The following MARK3 variants were observed in gnomAD, a reference collection of about 807,000 sequenced individuals.
MARK3 encodes MAP/microtubule affinity-regulating kinase 3.
A neutral mutation model predicts 90.1 loss-of-function variants in MARK3; 46 were observed. That is an observed-to-expected ratio of 0.51 (90% CI 0.40 to 0.65). The LOEUF is 0.65. MARK3 is among the 30% of genes least tolerant of loss of function. The pLI is 0.00. For synonymous variants in MARK3, 321 were observed against 332.6 expected (o/e 0.97, Z 0.38); for missense variants, 818 against 947.2 (o/e 0.86, Z 1.79).
In MARK3 at chr14:103,498,722, T is replaced by C. The variant is rs1566947122; in HGVS notation, c.1871+194T>C. 2.6e-5 allele frequency: 10 copies of C among 389,126 alleles called. No individual in the cohort carries two copies. The South Asian group carries it at 6.9e-4, about 27-fold the overall frequency. 24.1% of individuals were successfully genotyped at this position (389,126 alleles called of 1,614,324 possible). A position where few individuals can be genotyped will look rare whatever the true frequency, so the allele number is the denominator to read the frequency against. On this transcript the variant is annotated intron_variant, in intron 16 of 17. Transcript: ENST00000429436. ...TCTGTCAGGCATTTTAAAGGGACTA[T>C]GGTACCCATGCAACAAAAGGCTGAT...
intron 17 of MARK3, 64 bp from the exon 18 acceptor site, chr14:103,502,818 G>A: frequency 7.6e-7 from 1 of 1,314,572 alleles, no homozygotes; most frequent in Non-Finnish European, 1.1e-6. Flanking sequence ...TGAGGAACTA[G>A]CTGAAGTGTA....
At chr14:103,463,723 C>T (rs189124302) in intron 7 of MARK3, among the ~76,000 whole-genome samples, 45 of 152,286 alleles carry the variant, frequency 3.0e-4, no homozygotes, top group African/African-American at 1.0e-3. Context: ...CTCTTCCTCC[C>T]ATGTATGTTT....
chr14:103,470,365 G>A (rs931580754), intron 12 of MARK3, among the ~76,000 whole-genome samples: 2 of 151,862 alleles, frequency 1.3e-5, no homozygotes, highest in African/African-American at 4.8e-5. Flanking sequence ...CCTGAGGCTA[G>A]CGTGTGTGTT....
intron 2 of MARK3, among the ~76,000 whole-genome samples, chr14:103,419,311 A>G (rs1348393169): frequency 6.6e-6 from 1 of 152,118 alleles, no homozygotes; most frequent in Non-Finnish European, 1.5e-5. Context: ...AAATAAATAG[A>G]AAATTGAGAA....
In MARK3 at chr14:103,420,240, T is replaced by C. The variant is rs548302985; in HGVS notation, c.244-8147T>C. ...TTCCACAGTTTTGAACATTTTTTTT[T>C]CTTTTTGAGACAGAGTCTTGCTCTG... On this transcript the variant is annotated intron_variant, in intron 2 of 17. Coordinates refer to ENST00000429436, the MANE Select transcript of MARK3 (RefSeq NM_001128918.3). Among the ~76,000 whole-genome samples the C allele has an allele frequency of 3.9e-5, 6 of 152,278 alleles. No individual in the cohort carries two copies. The South Asian group carries it at 1.0e-3, about 26-fold the overall frequency.
chr14:103,421,399 G>A (rs184250286), intron 2 of MARK3, among the ~76,000 whole-genome samples: 226 of 152,252 alleles, frequency 1.5e-3, no homozygotes, highest in Middle Eastern at 3.4e-3. Context: ...TTTGAAAGAA[G>A]AGGCTTAATT....
chr14:103,431,241 G>A (rs550980535), intron 3 of MARK3, among the ~76,000 whole-genome samples: 55 of 152,090 alleles, frequency 3.6e-4, no homozygotes, highest in African/African-American at 1.1e-3. Context: ...ACAGGTGTAC[G>A]CCACCACACC....
intron 2 of MARK3, among the ~76,000 whole-genome samples, chr14:103,407,058 C>T (rs1486358867): frequency 6.6e-6 from 1 of 151,648 alleles, no homozygotes; most frequent in African/African-American, 2.4e-5. Flanking sequence ...TGGTCTCGAT[C>T]TCATCTCGTG....
chr14:103,493,894 C>G (rs1227439844), intron 15 of MARK3, among the ~76,000 whole-genome samples: 1 of 129,212 alleles, frequency 7.7e-6, no homozygotes, highest in Admixed American at 7.6e-5. Flanking sequence ...AAAAAAAAAA[C>G]TTTGAGTTTA....
chr14:103,473,025 C>T (rs942664294), intron 12 of MARK3, among the ~76,000 whole-genome samples: 8 of 148,678 alleles, frequency 5.4e-5, no homozygotes, highest in Admixed American at 5.4e-4. Flanking sequence ...AAAAAAGGAA[C>T]AAACTATGAT....
chr14:103,460,088 TTTTTTTTTTTTTTTTTG>T (rs2093367268), intron 6 of MARK3, among the ~76,000 whole-genome samples: 1 of 117,926 alleles, frequency 8.5e-6, no homozygotes, highest in Non-Finnish European at 1.8e-5. Context: ...TTTTTTTTTT[TTTTTTTTTTTTTTTTTG>T]AGACAAATCT....
At chr14:103,397,764 G>A (rs2090677985) in intron 1 of MARK3, among the ~76,000 whole-genome samples, 2 of 152,172 alleles carry the variant, frequency 1.3e-5, no homozygotes, top group Admixed American at 1.3e-4. Flanking sequence ...AAGTGAAACA[G>A]ATTTTACTAT....
chr14:103,429,787 T>G (rs1366737520), intron 3 of MARK3, among the ~76,000 whole-genome samples: 1 of 152,226 alleles, frequency 6.6e-6, no homozygotes, highest in Non-Finnish European at 1.5e-5. Context: ...TATTCAGAAC[T>G]AAAATTAACA....
rs555008898 is a variant in MARK3, at chr14:103,494,480, G to T, written c.1844+2446G>T. ...AATCACTTGAACCTGGGAGGCAGAG[G>T]TTGTGGTGAGCCGAGGTCACGCCAT... On this transcript the variant is annotated intron_variant, in intron 15 of 17. Coordinates refer to ENST00000429436, the MANE Select transcript of MARK3 (RefSeq NM_001128918.3). 6.1e-5 allele frequency among the ~76,000 whole-genome samples: 9 copies of T among 148,240 alleles called. No individual in the cohort carries two copies. The South Asian group carries it at 1.9e-3, about 31-fold the overall frequency.
At chr14:103,414,206 C>CT (rs58495929) in intron 2 of MARK3, among the ~76,000 whole-genome samples, 53,847 of 140,540 alleles carry the variant, frequency 0.38, 11,108 homozygotes, top group African/African-American at 0.56. Context: ...TCTTTTCTTT[C>CT]TTTTTTTTTT....
intron 5 of MARK3, among the ~76,000 whole-genome samples, chr14:103,452,262 G>T (rs191644048): frequency 6.6e-6 from 1 of 151,774 alleles, no homozygotes; most frequent in Non-Finnish European, 1.5e-5. Flanking sequence ...ATTTTTAGGC[G>T]CACAGTTCAG....
intron 3 of MARK3, among the ~76,000 whole-genome samples, chr14:103,442,950 C>G (rs910134268): frequency 6.6e-5 from 10 of 150,556 alleles, no homozygotes; most frequent in South Asian, 2.1e-4. Context: ...TGTCCCCCCC[C>G]CTCCCACCGA....
chr14:103,485,835 T>C (rs1422950104), intron 14 of MARK3, among the ~76,000 whole-genome samples: 1 of 151,862 alleles, frequency 6.6e-6, no homozygotes, highest in Non-Finnish European at 1.5e-5. Flanking sequence ...GAGTTCAAGG[T>C]CAGCCTGGAC....
intron 6 of MARK3, among the ~76,000 whole-genome samples, chr14:103,461,452 C>T (rs1309776903): frequency 6.6e-6 from 1 of 152,162 alleles, no homozygotes; most frequent in Non-Finnish European, 1.5e-5. Context: ...TAAATAAAAG[C>T]ATACTATTTA....
Sources: gnomAD v4.1 joint callset for allele counts (sites outside exome capture counted in the v4.1 genomes callset) on GRCh38, gnomAD v4.1.1 for gene constraint, MANE v1.5 for transcripts, NCBI Gene and HGNC (gene_info 2026-07-23, HGNC 2026-07-21) for gene names.